BCL2: variants seen among roughly 807,000 people sequenced by gnomAD.
BCL2 encodes the protein BCL2 apoptosis regulator, also known as apoptosis regulator Bcl-2.
Under a neutral mutation model 14.2 loss-of-function variants are expected in BCL2, and 1 was observed. The ratio of observed to expected loss-of-function variants is 0.07; its 90% CI spans 0.02 to 0.33. The LOEUF is 0.33. Among genes scored for constraint, BCL2 ranks in the 10% least tolerant of loss-of-function variants. The pLI is 0.99. For synonymous variants in BCL2, 151 were observed against 137.2 expected (o/e 1.10, Z -0.70); for missense variants, 247 against 305.9 (o/e 0.81, Z 1.44).
At chr18:63,140,796 G>A (rs1256917391) in intron 2 of BCL2, among the ~76,000 whole-genome samples, 5 of 152,146 alleles carry the variant, frequency 3.3e-5, no homozygotes, top group Admixed American at 3.3e-4. Flanking sequence ...GAATTTTATG[G>A]CACGTGAACT....
At chr18:63,297,781 A>C (rs1473335078) in intron 2 of BCL2, among the ~76,000 whole-genome samples, 1 of 152,202 alleles carries the variant, frequency 6.6e-6, no homozygotes, top group East Asian at 1.9e-4. Context: ...GCTCATAATG[A>C]AATTCCAGGC....
Position 63,211,439 on chromosome 18 carries a change from C to A in BCL2, c.586-82680G>T, listed in dbSNP as rs564863884. On this transcript the variant is annotated intron_variant, in intron 2 of 2. Transcript: ENST00000333681. ...CCTTGTTTTCTCTCGACTCAAATCTCCTCCTGGTTTTCTAAGCTCATGAAA... is the reference window on the plus strand; with the variant it reads ...CCTTGTTTTCTCTCGACTCAAATCTACTCCTGGTTTTCTAAGCTCATGAAA... 5.3e-5 allele frequency among the ~76,000 whole-genome samples: 8 copies of A among 152,200 alleles called. No homozygotes were observed. In the East Asian group the frequency reaches 1.2e-3, roughly 22 times the overall value.
chr18:63,194,991 T>C (rs1044431433), intron 2 of BCL2, among the ~76,000 whole-genome samples: 1 of 152,226 alleles, frequency 6.6e-6, no homozygotes, highest in East Asian at 1.9e-4. Flanking sequence ...CCAGCTTATT[T>C]TCCCATGATA....
intron 2 of BCL2, among the ~76,000 whole-genome samples, chr18:63,159,063 A>G (rs1375690331): frequency 6.6e-6 from 1 of 152,212 alleles, no homozygotes; most frequent in African/African-American, 2.4e-5. Flanking sequence ...CAACTGAAAG[A>G]GAACTGTTCT....
rs183000521 is a variant in BCL2 at position 63,124,720 on chromosome 18, A to G, written c.*3905T>C. 2.1e-3 allele frequency: 481 copies of G among 228,432 alleles called. 1 individual carries two copies. The highest frequency in any genetic ancestry group is 9.8e-3 in the African/African-American group (445 of 45,208). 14.2% of individuals were successfully genotyped at this position (228,432 alleles called of 1,614,324 possible). The stretch of plus-strand genomic sequence containing the variant: ...GGAACCTTCATAAGCTTGACAATGT[A>G]GAATTGTATTTCTTAAAAAGTGTGT... On this transcript the variant is annotated 3_prime_UTR_variant, in exon 3 of 3. Transcript: ENST00000333681.
intron 2 of BCL2, among the ~76,000 whole-genome samples, chr18:63,242,770 T>C (rs1328083549): frequency 8.5e-5 from 13 of 152,188 alleles, no homozygotes; most frequent in African/African-American, 3.1e-4. Flanking sequence ...TTAGATAAAA[T>C]TTCAAATTGC....
chr18:63,233,200 T>G (rs1486354222), intron 2 of BCL2, among the ~76,000 whole-genome samples: 1 of 152,192 alleles, frequency 6.6e-6, no homozygotes, highest in Non-Finnish European at 1.5e-5. Context: ...AATAGCATCG[T>G]ATTTGGGATT....
intron 2 of BCL2, among the ~76,000 whole-genome samples, chr18:63,242,094 AGTT>A (rs1911020537): frequency 6.7e-6 from 1 of 149,488 alleles, no homozygotes; most frequent in African/African-American, 2.4e-5. Flanking sequence ...GTGATGAAAC[AGTT>A]CTACAGATTT....
intron 2 of BCL2, among the ~76,000 whole-genome samples, chr18:63,267,359 G>A (rs186633982): frequency 3.5e-4 from 54 of 152,310 alleles, no homozygotes; most frequent in African/African-American, 1.2e-3. Context: ...AAATGATGAG[G>A]CTGTGAACTA....
intron 2 of BCL2, among the ~76,000 whole-genome samples, chr18:63,193,629 C>CGTT (rs1909355545): frequency 6.7e-6 from 1 of 149,464 alleles, no homozygotes; most frequent in African/African-American, 2.5e-5. Flanking sequence ...CACACACATA[C>CGTT]AAATACACAC....
At position 63,212,604 on chromosome 18, in the gene BCL2, C is replaced by T. The variant is rs150718975; in HGVS notation, c.586-83845G>A. Among the ~76,000 whole-genome samples, 776 of 147,994 alleles carry T rather than the reference C, an allele frequency of 5.2e-3. 8 individuals are homozygous for T. The highest frequency in any genetic ancestry group is 0.011 in the African/African-American group (471 of 41,016). On this transcript the variant is annotated intron_variant, in intron 2 of 2. Coordinates refer to ENST00000333681, the MANE Select transcript of BCL2 (RefSeq NM_000633.3). ...TAAAAGTTGCTACCTTGGCCGGGTGCGGTGGCTCACAACTGTAATCCCAGC... is the reference window on the plus strand; with the variant it reads ...TAAAAGTTGCTACCTTGGCCGGGTGTGGTGGCTCACAACTGTAATCCCAGC...
chr18:63,193,489 C>A (rs1909344324), intron 2 of BCL2, among the ~76,000 whole-genome samples: 1 of 151,710 alleles, frequency 6.6e-6, no homozygotes, highest in Non-Finnish European at 1.5e-5. Flanking sequence ...AGTATTTGTC[C>A]TTCTGTGACT....
chr18:63,123,642 T>C lies in BCL2; in HGVS notation c.*4983A>G, dbSNP rs1913833072. The C allele has an allele frequency of 4.7e-6, 1 of 211,636 alleles. No homozygotes were observed. Among genetic ancestry groups the C allele is most frequent in the African/African-American group, 2.3e-5 (1 of 44,108 alleles). 13.1% of individuals were successfully genotyped at this position (211,636 alleles called of 1,614,324 possible). ...GCTTTCAATACAAAAACACTTATTGTACACTTATTTTTATTTAAAACAAAA... is the reference window on the plus strand; with the variant it reads ...GCTTTCAATACAAAAACACTTATTGCACACTTATTTTTATTTAAAACAAAA... On this transcript the variant is annotated 3_prime_UTR_variant, in exon 3 of 3. Transcript: ENST00000333681.
intron 2 of BCL2, among the ~76,000 whole-genome samples, chr18:63,275,031 T>G (rs1346491007): frequency 6.6e-6 from 1 of 152,010 alleles, no homozygotes; most frequent in Non-Finnish European, 1.5e-5. Context: ...TGCAGAAGTA[T>G]TTATTTGACC....
upstream of BCL2, chr18:63,320,010 G>A (rs1271219535): frequency 6.7e-6 from 1 of 150,264 alleles, no homozygotes; most frequent in African/African-American, 2.4e-5. Context: ...CGGCAGGGAG[G>A]GCCCGGAGCC....
intron 2 of BCL2, among the ~76,000 whole-genome samples, chr18:63,254,471 G>A (rs190305759): frequency 5.4e-5 from 8 of 149,116 alleles, no homozygotes; most frequent in South Asian, 2.1e-4. Context: ...TGGGAGGATC[G>A]CTTGAACCAG....
intron 2 of BCL2, among the ~76,000 whole-genome samples, chr18:63,131,306 G>A (rs966090140): frequency 5.3e-5 from 8 of 152,284 alleles, no homozygotes; most frequent in Non-Finnish European, 8.8e-5. Flanking sequence ...AGGAGAGGGC[G>A]CAAGGGCTTT....
intron 2 of BCL2, among the ~76,000 whole-genome samples, chr18:63,276,856 C>G (rs145998426): frequency 1.3e-5 from 2 of 152,196 alleles, no homozygotes; most frequent in Admixed American, 1.3e-4. Flanking sequence ...CCCTTTTGTA[C>G]TTCCTTTCTA....
chr18:63,207,507 T>A (rs917821583), intron 2 of BCL2: 2 of 151,900 alleles, frequency 1.3e-5, no homozygotes, highest in Admixed American at 1.3e-4. Flanking sequence ...CAAGGGCAAC[T>A]CTGATTGTTC....
Sources: gnomAD v4.1 joint callset for allele counts (sites outside exome capture counted in the v4.1 genomes callset) on GRCh38, gnomAD v4.1.1 for gene constraint, MANE v1.5 for transcripts, NCBI Gene and HGNC (gene_info 2026-07-23, HGNC 2026-07-21) for gene names.